BBS9: variants seen among roughly 807,000 people sequenced by gnomAD.
The protein encoded by BBS9 is protein PTHB1.
In BBS9, 89 loss-of-function variants were observed where a neutral mutation model predicts 117.7. The ratio of observed to expected loss-of-function variants is 0.76; its 90% CI spans 0.64 to 0.90. The LOEUF (loss-of-function observed/expected upper bound fraction) is 0.90. BBS9 is among the 40% of genes least tolerant of loss of function. BBS9 has a pLI of 0.00. For synonymous variants in BBS9, 379 were observed against 370.9 expected (o/e 1.02, Z -0.25); for missense variants, 982 against 1,042.2 (o/e 0.94, Z 0.80).
intron 9 of BBS9, among the ~76,000 whole-genome samples, chr7:33,297,555 A>C (rs1467203906): frequency 6.6e-6 from 1 of 152,188 alleles, no homozygotes; most frequent in Non-Finnish European, 1.5e-5. Context: ...AAACAGTAGA[A>C]GAATCAAGAA....
chr7:33,616,610 G>T (rs1156977887), intron 21 of BBS9, among the ~76,000 whole-genome samples: 2 of 150,094 alleles, frequency 1.3e-5, no homozygotes, highest in South Asian at 2.1e-4. Context: ...AAAAATGGGG[G>T]GTGGGCAAGA....
chr7:33,236,375 C>T (rs1165658152), intron 5 of BBS9, among the ~76,000 whole-genome samples: 1 of 144,996 alleles, frequency 6.9e-6, no homozygotes, highest in African/African-American at 2.5e-5. Flanking sequence ...TAAATGAATA[C>T]AAAACAATTA....
At chr7:33,217,684 A>T (rs1012352042) in intron 5 of BBS9, among the ~76,000 whole-genome samples, 1 of 152,248 alleles carries the variant, frequency 6.6e-6, no homozygotes, top group Non-Finnish European at 1.5e-5. Flanking sequence ...CTGATGTTTA[A>T]AAGAAACACT....
Position 33,202,815 on chromosome 7 carries a change from A to T in BBS9, c.442+25224A>T, listed in dbSNP as rs1186739563. On this transcript the variant is annotated intron_variant, in intron 5 of 22. Transcript: ENST00000242067. ...CATGAGATTTGTGGTGGGGGGGAAC[A>T]CAAGTCCAAACCATATCAACATGGC... 3.3e-5 allele frequency among the ~76,000 whole-genome samples: 5 copies of T among 152,214 alleles called. No individual in the cohort carries two copies. In the South Asian group the frequency reaches 8.3e-4, roughly 25 times the overall value.
At chr7:33,437,929 T>A (rs930414908) in intron 19 of BBS9, among the ~76,000 whole-genome samples, 2 of 152,136 alleles carry the variant, frequency 1.3e-5, no homozygotes, top group Non-Finnish European at 2.9e-5. Flanking sequence ...TTTGAACAGC[T>A]TTTGCAACTT....
At chr7:33,395,409 G>C (rs537126266) in intron 19 of BBS9, among the ~76,000 whole-genome samples, 1 of 152,238 alleles carries the variant, frequency 6.6e-6, no homozygotes, top group Admixed American at 6.5e-5. Flanking sequence ...AATTGAAATG[G>C]AAGAAATTAG....
intron 4 of BBS9, among the ~76,000 whole-genome samples, chr7:33,161,807 G>A (rs902638284): frequency 7.9e-5 from 12 of 152,040 alleles, no homozygotes; most frequent in Non-Finnish European, 1.6e-4. Context: ...TTTAATGATT[G>A]CCATTCTAAC....
chr7:33,225,739 C>T (rs1791138031), intron 5 of BBS9, among the ~76,000 whole-genome samples: 2 of 138,706 alleles, frequency 1.4e-5, no homozygotes, highest in African/African-American at 5.4e-5. Flanking sequence ...ATTTGAAGAT[C>T]ACAGTGTGGG....
At chr7:33,545,027 G>A (rs968708273) in intron 21 of BBS9, among the ~76,000 whole-genome samples, 1 of 152,072 alleles carries the variant, frequency 6.6e-6, no homozygotes, top group Admixed American at 6.5e-5. Context: ...CTGAAGGGCT[G>A]GTCTCACACC....
chr7:33,552,334 A>G lies in BBS9; in HGVS notation c.2521+18158A>G, dbSNP rs118076659. Reference sequence around the variant, plus strand: ...AGATTTGAATTGAATCACTTACGTGAACATTATTCCTTCCCTTTCTCAGTT... The same window carrying G: ...AGATTTGAATTGAATCACTTACGTGGACATTATTCCTTCCCTTTCTCAGTT... On this transcript the variant is annotated intron_variant, in intron 21 of 22. Transcript: ENST00000242067. Among the ~76,000 whole-genome samples, 1,291 of 152,228 alleles carry G rather than the reference A, an allele frequency of 8.5e-3. 5 individuals carry two copies. The highest frequency in any genetic ancestry group is 0.014 in the Non-Finnish European group (941 of 67,996).
intron 9 of BBS9, among the ~76,000 whole-genome samples, chr7:33,282,997 C>T (rs1295659480): frequency 6.6e-6 from 1 of 152,124 alleles, no homozygotes; most frequent in Non-Finnish European, 1.5e-5. Flanking sequence ...AAATTTAAAA[C>T]ACTTCCATAC....
intron 5 of BBS9, among the ~76,000 whole-genome samples, chr7:33,225,765 G>C (rs4720115): frequency 0.82 from 122,843 of 149,040 alleles, 50,635 homozygotes; most frequent in Admixed American, 0.86. Flanking sequence ...GTGGTGTTCA[G>C]TACTCCTGCT....
intron 16 of BBS9, among the ~76,000 whole-genome samples, chr7:33,364,169 C>T (rs113317212): frequency 0.041 from 1,421 of 35,082 alleles, 501 homozygotes; most frequent in African/African-American, 0.17. Flanking sequence ...AGGATGGTCT[C>T]GATCTCCTGA....
intron 21 of BBS9, among the ~76,000 whole-genome samples, chr7:33,616,041 T>A (rs1865113365): frequency 6.6e-6 from 1 of 151,172 alleles, no homozygotes; most frequent in Non-Finnish European, 1.5e-5. Flanking sequence ...TTGCAAGAAA[T>A]GTGTTAAAAG....
At chr7:33,428,081 C>A (rs1833899322) in intron 19 of BBS9, among the ~76,000 whole-genome samples, 1 of 152,020 alleles carries the variant, frequency 6.6e-6, no homozygotes, top group Non-Finnish European at 1.5e-5. Flanking sequence ...TGAGGGTGAC[C>A]ATGTAGTTAT....
rs549303303 is a variant in BBS9, at chr7:33,152,906, G to A, written c.263+55G>A. ...ACTTGGAGTATGTCAATCCTTTACA[G>A]TGTCACTTTTGTGTATTCTTCAAAG... is the stretch of plus-strand genomic sequence containing the variant. On this transcript the variant is annotated intron_variant, in intron 3 of 22. Coordinates refer to ENST00000242067, the MANE Select transcript of BBS9 (RefSeq NM_198428.3). 2,706 of 1,565,568 alleles carry A rather than the reference G, an allele frequency of 1.7e-3. 1 individual carries two copies. Among genetic ancestry groups the A allele is most frequent in the Admixed American group, 3.8e-3 (228 of 59,884 alleles).
At chr7:33,258,152 G>T (rs1445919940) in intron 6 of BBS9, among the ~76,000 whole-genome samples, 2 of 152,162 alleles carry the variant, frequency 1.3e-5, no homozygotes, top group Admixed American at 6.5e-5. Flanking sequence ...GCTGGGAAAA[G>T]AAATAGCCTT....
chr7:33,270,378 A>G lies in BBS9; in HGVS notation c.703-2634A>G, dbSNP rs1216858072. Among the ~76,000 whole-genome samples the G allele has an allele frequency of 2.0e-5, 3 of 152,238 alleles. No homozygotes were observed. In the East Asian group the frequency reaches 5.8e-4, roughly 29 times the overall value. On this transcript the variant is annotated intron_variant, in intron 7 of 22. Transcript: ENST00000242067. ...ACTGGGCTGAGATGGCTAAAATGAC[A>G]GAAATAGAATTCAGAATATGGACAG...
intron 21 of BBS9, among the ~76,000 whole-genome samples, chr7:33,546,353 G>C (rs1165919744): frequency 6.6e-6 from 1 of 152,042 alleles, no homozygotes; most frequent in East Asian, 1.9e-4. Context: ...TCTGATATTG[G>C]TATGTACACA....
Sources: allele counts gnomAD v4.1 joint callset (sites outside exome capture counted in the v4.1 genomes callset), GRCh38; gene constraint gnomAD v4.1.1; transcripts MANE v1.5; gene names NCBI Gene and HGNC (gene_info 2026-07-23, HGNC 2026-07-21).